Variants in ANO3 observed in about 807,000 individuals in gnomAD.
ANO3 encodes anoctamin 3, also known as anoctamin-3.
In ANO3, 99 loss-of-function variants were observed where a neutral mutation model predicts 144.8. The observed-to-expected ratio is 0.68, with a 90% CI of 0.58 to 0.81. The LOEUF is 0.81. Among genes scored for constraint, ANO3 ranks in the 30% least tolerant of loss-of-function variants. The pLI, the probability that ANO3 is intolerant of heterozygous loss-of-function variation, is 0.00. For synonymous variants in ANO3, 414 were observed against 392.6 expected (o/e 1.05, Z -0.64); for missense variants, 905 against 1,202.2 (o/e 0.75, Z 3.66).
chr11:26,652,669 T>C (rs1019713782), intron 24 of ANO3, among the ~76,000 whole-genome samples: 4 of 152,250 alleles, frequency 2.6e-5, no homozygotes, highest in Non-Finnish European at 5.9e-5. Flanking sequence ...TCCCTTGTCC[T>C]GGCTGCCTTC....
At chr11:26,397,874 A>AT (rs111252235) in intron 1 of ANO3, among the ~76,000 whole-genome samples, 139,853 of 151,214 alleles carry the variant, frequency 0.92, 64,898 homozygotes, top group East Asian at 1. Flanking sequence ...ACACAGTAAG[A>AT]ATTTTTTTTG....
At position 26,528,289 on chromosome 11, in the gene ANO3, AG is replaced by A. The variant is rs200964312; in HGVS notation, c.737+2613del. 6.0e-3 allele frequency among the ~76,000 whole-genome samples: 907 copies of A among 152,284 alleles called. 7 individuals carry two copies. Among genetic ancestry groups the A allele is most frequent in the African/African-American group, 0.021 (854 of 41,570 alleles). On this transcript the variant is annotated intron_variant, in intron 7 of 26. Coordinates refer to ENST00000256737, the MANE Select transcript of ANO3 (RefSeq NM_031418.4). ...CAATTAAGAGAAGCAAAACTTAGTG[AG>A]GGCCCAAGAAATTAATAAGCTAGAT...
chr11:26,369,796 A>G (rs1216948383), intron 1 of ANO3, among the ~76,000 whole-genome samples: 1 of 152,088 alleles, frequency 6.6e-6, no homozygotes, highest in Non-Finnish European at 1.5e-5. Context: ...GTTACTTTCT[A>G]AATTGGAATC....
intron 1 of ANO3, among the ~76,000 whole-genome samples, chr11:26,214,175 G>GA: frequency 6.6e-6 from 1 of 151,898 alleles, no homozygotes; most frequent in Non-Finnish European, 1.5e-5. Context: ...TTGACAAAGT[G>GA]AAGCAAGCCA....
intron 4 of ANO3, among the ~76,000 whole-genome samples, chr11:26,477,530 C>T (rs567549354): frequency 6.6e-6 from 1 of 152,238 alleles, no homozygotes; most frequent in South Asian, 2.1e-4. Flanking sequence ...GCACCTCCGC[C>T]CCCTCATAGC....
chr11:26,586,753 CG>C (rs1851297788), intron 14 of ANO3, among the ~76,000 whole-genome samples: 1 of 151,616 alleles, frequency 6.6e-6, no homozygotes, highest in African/African-American at 2.4e-5. Flanking sequence ...CCACTTGACT[CG>C]GCCTCCCAAA....
At chr11:26,393,799 G>A (rs2133965424) in intron 1 of ANO3, among the ~76,000 whole-genome samples, 1 of 152,216 alleles carries the variant, frequency 6.6e-6, no homozygotes, top group East Asian at 1.9e-4. Context: ...GGCATAAAAA[G>A]TTGTTTTGAA....
At chr11:26,283,317 A>AAC (rs1554933538) in intron 1 of ANO3, among the ~76,000 whole-genome samples, 3 of 77,576 alleles carry the variant, frequency 3.9e-5, no homozygotes, top group African/African-American at 1.2e-4. Context: ...TAAACAAATA[A>AAC]ATAAATATAT....
chr11:26,551,213 A>T (rs11029612), intron 12 of ANO3, among the ~76,000 whole-genome samples: 7,964 of 152,078 alleles, frequency 0.052, 264 homozygotes, highest in Admixed American at 0.095. Context: ...TAGAAAATTT[A>T]TCGCTACTTT....
chr11:26,293,413 T>C (rs559041149), intron 1 of ANO3, among the ~76,000 whole-genome samples: 2 of 151,072 alleles, frequency 1.3e-5, no homozygotes, highest in African/African-American at 4.8e-5. Flanking sequence ...CTTACTCAAT[T>C]GTTATTTCCA....
At chr11:26,224,264 G>A (rs1354713920) in intron 1 of ANO3, among the ~76,000 whole-genome samples, 1 of 152,174 alleles carries the variant, frequency 6.6e-6, no homozygotes, top group African/African-American at 2.4e-5. Context: ...GGGCCAACAG[G>A]CCCCGTACAA....
intron 17 of ANO3, among the ~76,000 whole-genome samples, chr11:26,618,620 G>A (rs1590638392): frequency 1.3e-5 from 2 of 152,148 alleles, no homozygotes; most frequent in African/African-American, 2.4e-5. Flanking sequence ...AGCCTGGCCT[G>A]TGAGGCCCTC....
In ANO3 at chr11:26,309,671, C is replaced by T. The variant is rs563465267; in HGVS notation, c.-51C>T. ...TCTGCAAAAGTTGTGCTTTTCTCAT[C>T]GTGAGCTTGAGAAGAGTGTGTGGGC... On this transcript the variant is annotated 5_prime_UTR_variant, in exon 1 of 27. Coordinates refer to the ANO3 transcript ENST00000525139. 10 of 985,300 alleles carry T rather than the reference C, an allele frequency of 1.0e-5. No individual in the cohort carries two copies. In the East Asian group the frequency reaches 4.5e-4, roughly 45 times the overall value. The allele number at this position is 985,300 out of a possible 1,614,324, so 61.0% of individuals were successfully genotyped here.
At chr11:26,649,466 C>T (rs1853454855) in intron 24 of ANO3, among the ~76,000 whole-genome samples, 1 of 152,132 alleles carries the variant, frequency 6.6e-6, no homozygotes, top group African/African-American at 2.4e-5. Context: ...CGGCCGGGCG[C>T]GGTGGCTCAC....
intron 1 of ANO3, among the ~76,000 whole-genome samples, chr11:26,213,286 T>A (rs1431661075): frequency 6.6e-6 from 1 of 152,010 alleles, no homozygotes; most frequent in South Asian, 2.1e-4. Context: ...GCCAGGGAAA[T>A]CAGGCAAGAG....
intron 7 of ANO3, among the ~76,000 whole-genome samples, chr11:26,528,987 G>A (rs1849234880): frequency 6.9e-6 from 1 of 145,428 alleles, no homozygotes; most frequent in African/African-American, 2.6e-5. Flanking sequence ...GATTTGATAA[G>A]TAAGTGATAA....
Position 26,599,533 on chromosome 11 carries a change from G to T in ANO3, c.1672-17G>T. ...GATGTAAAATATGGATGTTTTTTCT[G>T]GTGTCCAATATTGTAGATATCCTTG... On this transcript the variant is annotated splice_polypyrimidine_tract_variant and intron_variant, in intron 16 of 26. Coordinates refer to ENST00000256737, the MANE Select transcript of ANO3 (RefSeq NM_031418.4). 1 of 1,595,704 alleles carries T rather than the reference G, an allele frequency of 6.3e-7. No homozygotes were observed. Among genetic ancestry groups the T allele is most frequent in the Non-Finnish European group, 8.6e-7 (1 of 1,169,312 alleles).
At chr11:26,539,845 A>C (rs1272832296) in intron 10 of ANO3, among the ~76,000 whole-genome samples, 1 of 152,118 alleles carries the variant, frequency 6.6e-6, no homozygotes, top group African/African-American at 2.4e-5. Context: ...ACCCCTCTAT[A>C]CTGGGTATTA....
intron 6 of ANO3, among the ~76,000 whole-genome samples, chr11:26,519,052 T>G (rs1861966812): frequency 6.6e-6 from 1 of 152,200 alleles, no homozygotes; most frequent in Non-Finnish European, 1.5e-5. Context: ...AAAAATCTAA[T>G]AAATTAATCC....
Sources: gnomAD v4.1 joint callset for allele counts (sites outside exome capture counted in the v4.1 genomes callset) on GRCh38, gnomAD v4.1.1 for gene constraint, MANE v1.5 for transcripts, NCBI Gene and HGNC (gene_info 2026-07-23, HGNC 2026-07-21) for gene names.